The following UGT1A5 variants were observed in gnomAD, a reference collection of about 807,000 sequenced individuals.
The protein encoded by UGT1A5 is UDP glucuronosyltransferase family 1 member A5, also known as UDP-glucuronosyltransferase 1A5.
A neutral mutation model predicts 40.3 loss-of-function variants in UGT1A5; 29 were observed. The ratio of observed to expected loss-of-function variants is 0.72; its 90% CI spans 0.54 to 0.98. UGT1A5 has a LOEUF of 0.98. Ranked by LOEUF, UGT1A5 falls within the 50% of genes least tolerant of loss-of-function variation. The pLI is 0.00. For missense variants in UGT1A5, 678 were observed against 677.9 expected (o/e 1.00, Z 0.00); for synonymous variants, 257 against 262.5 (o/e 0.98, Z 0.20).
chr2:233,716,735 C>T (rs1224008682), intron 1 of UGT1A5, among the ~76,000 whole-genome samples: 3 of 152,158 alleles, frequency 2.0e-5, no homozygotes, highest in Non-Finnish European at 1.5e-5. Flanking sequence ...ATGTTTAGCT[C>T]TGTGAGATTG....
chr2:233,717,883 G>A lies in UGT1A5; in HGVS notation c.867+4025G>A, dbSNP rs778761780. On this transcript the variant is annotated intron_variant, in intron 1 of 4. Transcript: ENST00000373414. ...CTGGATTGACTTGGAGAAAAGCCTG[G>A]CCATAATCTTCAGGATGAAATAAAG... 1.6e-4 allele frequency: 73 copies of A among 454,720 alleles called. 1 individual carries two copies. The highest frequency in any genetic ancestry group is 9.9e-4 in the South Asian group (64 of 64,482). 28.2% of individuals were successfully genotyped at this position (454,720 alleles called of 1,614,324 possible).
At chr2:233,729,329 A>G in intron 1 of UGT1A5, 1 of 1,614,260 alleles carries the variant, frequency 6.2e-7, no homozygotes, top group East Asian at 2.2e-5. Flanking sequence ...GTGAATATGC[A>G]CATCAAAGAA....
Position 233,767,220 on chromosome 2 carries a change from C to T in UGT1A5, c.999+55C>T. 2.5e-6 allele frequency: 4 copies of T among 1,611,656 alleles called. No individual in the cohort carries two copies. In the South Asian group the frequency reaches 4.4e-5, roughly 18 times the overall value. ...TCTATTTTCACAGGAGCGCTAATCC[C>T]AGACTTCCAGCTTCCAGATTAATTC... On this transcript the variant is annotated intron_variant, in intron 2 of 4. Coordinates refer to ENST00000373414, the MANE Select transcript of UGT1A5 (RefSeq NM_019078.2).
At chr2:233,760,983 C>G in intron 1 of UGT1A5, 2 of 1,614,178 alleles carry the variant, frequency 1.2e-6, no homozygotes, top group African/African-American at 1.3e-5. Context: ...CGTATGCAAC[C>G]CTTGCCTCAG....
intron 4 of UGT1A5, 143 bp downstream of exon 4, chr2:233,768,582 CTTTTTTTTTTTTT>C (rs139595073): frequency 1.1e-5 from 11 of 1,033,176 alleles, no homozygotes; most frequent in Non-Finnish European, 9.8e-6. Context: ...TTTATTTCTT[CTTTTTTTTTTTTT>C]TTTTTTTTTG....
chr2:233,730,328 C>T (rs1363766839), intron 1 of UGT1A5, among the ~76,000 whole-genome samples: 2 of 152,106 alleles, frequency 1.3e-5, no homozygotes, highest in African/African-American at 2.4e-5. Context: ...AGGGACACTA[C>T]GTTTGGAACT....
chr2:233,729,351 C>T, intron 1 of UGT1A5: 1 of 1,614,194 alleles, frequency 6.2e-7, no homozygotes, highest in Non-Finnish European at 8.5e-7. Context: ...AGAACTTTTT[C>T]ACCCTGACAA....
At chr2:233,746,247 A>G (rs939163155) in intron 1 of UGT1A5, among the ~76,000 whole-genome samples, 1 of 151,776 alleles carries the variant, frequency 6.6e-6, no homozygotes, top group Non-Finnish European at 1.5e-5. Context: ...AAAAGATACA[A>G]GGCAGAACAG....
At chr2:233,743,465 C>G in intron 1 of UGT1A5, 1 of 1,366,596 alleles carries the variant, frequency 7.3e-7, no homozygotes, top group Non-Finnish European at 9.8e-7. Flanking sequence ...AAAACACCCC[C>G]AAAAGCTGGA....
chr2:233,757,535 A>AATATATATACATATACATATATACAT (rs376887521), intron 1 of UGT1A5, among the ~76,000 whole-genome samples: 3 of 88,312 alleles, frequency 3.4e-5, no homozygotes, highest in African/African-American at 1.5e-4. Context: ...GCCTGTAAGG[A>AATATATATACATATACATATATACAT]ATATATATAT....
In UGT1A5 at chr2:233,772,933, T is replaced by C. The variant is rs1700557835; in HGVS notation, c.*374T>C. On this transcript the variant is annotated 3_prime_UTR_variant, in exon 5 of 5. Coordinates refer to ENST00000373414, the MANE Select transcript of UGT1A5 (RefSeq NM_019078.2). ...ACTGCAAATGGCAGTTTTAATCTTA[T>C]CTTTTGGCTTCTGCAGATGGTTGCA... is the stretch of plus-strand genomic sequence containing the variant. 2 of 341,712 alleles carry C rather than the reference T, an allele frequency of 5.9e-6. No homozygotes were observed. Among genetic ancestry groups the C allele is most frequent in the East Asian group, 7.7e-5 (1 of 13,004 alleles). The allele number at this position is 341,712 out of a possible 1,614,324, so 21.2% of individuals were successfully genotyped here.
At position 233,737,754 on chromosome 2, in the gene UGT1A5, T is replaced by G. The variant is rs1342701991; in HGVS notation, c.867+23896T>G. Reference sequence around the variant, plus strand: ...TTCCTTTTCTCTTCCAGTTTTTCAATGTGAACATATTCTCTAGAGTTAACT... The same window carrying G: ...TTCCTTTTCTCTTCCAGTTTTTCAAGGTGAACATATTCTCTAGAGTTAACT... On this transcript the variant is annotated intron_variant, in intron 1 of 4. Transcript: ENST00000373414. Among the ~76,000 whole-genome samples the G allele has an allele frequency of 3.3e-5, 5 of 152,300 alleles. No homozygotes were observed. The East Asian group carries it at 9.6e-4, about 29-fold the overall frequency.
intron 1 of UGT1A5, chr2:233,717,648 A>G (rs1403190472): frequency 5.0e-6 from 2 of 403,070 alleles, no homozygotes; most frequent in Non-Finnish European, 1.0e-5. Flanking sequence ...GGCGACCAGG[A>G]CAAGGAAGCA....
intron 1 of UGT1A5, among the ~76,000 whole-genome samples, chr2:233,751,937 A>C (rs539080816): frequency 5.9e-5 from 9 of 152,318 alleles, no homozygotes; most frequent in African/African-American, 1.9e-4. Context: ...GATTGAAGTT[A>C]TACTGAAAGG....
intron 1 of UGT1A5, chr2:233,729,903 G>C (rs2077945503): frequency 6.2e-7 from 1 of 1,613,906 alleles, no homozygotes; most frequent in East Asian, 2.2e-5. Flanking sequence ...TGTTCCGAGG[G>C]GACTTTGTGA....
intron 1 of UGT1A5, among the ~76,000 whole-genome samples, chr2:233,727,276 C>G (rs1480742457): frequency 6.6e-6 from 1 of 152,140 alleles, no homozygotes; most frequent in Non-Finnish European, 1.5e-5. Context: ...CATCTCCAGA[C>G]CCTGGAAGCT....
intron 2 of UGT1A5, 138 bp from the exon 3 acceptor site, chr2:233,767,711 C>A: frequency 2.6e-6 from 4 of 1,531,084 alleles, no homozygotes; most frequent in Non-Finnish European, 3.5e-6. Context: ...TCCTCAGAAG[C>A]CTTCACAGTT....
At chr2:233,743,173 A>G (rs890417229) in intron 1 of UGT1A5, 7 of 365,612 alleles carry the variant, frequency 1.9e-5, no homozygotes, top group African/African-American at 1.5e-4. Flanking sequence ...GCTTAAAGTC[A>G]AATGTGGACT....
chr2:233,728,992 A>G (rs990793859), intron 1 of UGT1A5: 2 of 1,544,002 alleles, frequency 1.3e-6, no homozygotes, highest in Admixed American at 1.9e-5. Flanking sequence ...ATAATTAACT[A>G]GAGGAGGGCA....
Sources: allele counts gnomAD v4.1 joint callset (sites outside exome capture counted in the v4.1 genomes callset), GRCh38; gene constraint gnomAD v4.1.1; transcripts MANE v1.5; gene names NCBI Gene and HGNC (gene_info 2026-07-23, HGNC 2026-07-21).